The following OTUD7A variants were observed in gnomAD, a reference collection of about 807,000 sequenced individuals.
The protein encoded by OTUD7A is OTU domain-containing protein 7A.
In OTUD7A, 12 loss-of-function variants were observed where a neutral mutation model predicts 65.7. That is an observed-to-expected ratio of 0.18 (90% CI 0.12 to 0.30). The LOEUF (loss-of-function observed/expected upper bound fraction) is 0.30, where lower values mean the gene tolerates loss of function less well. Among genes scored for constraint, OTUD7A ranks in the 10% least tolerant of loss-of-function variants. The probability of loss-of-function intolerance (pLI) is 1.00; values close to 1 mark genes in which losing one functional copy is unlikely to be tolerated. For missense variants in OTUD7A, 1,148 were observed against 1,304.8 expected (o/e 0.88, Z 1.85); for synonymous variants, 641 against 586.3 (o/e 1.09, Z -1.35).
At chr15:31,732,518 C>T (rs530703674) in intron 1 of OTUD7A, among the ~76,000 whole-genome samples, 5 of 152,346 alleles carry the variant, frequency 3.3e-5, no homozygotes, top group Admixed American at 2.0e-4. Flanking sequence ...TGTTAGAAAG[C>T]TGTTCATAAC....
intron 1 of OTUD7A, among the ~76,000 whole-genome samples, chr15:31,812,426 C>T (rs1896443874): frequency 6.6e-6 from 1 of 152,194 alleles, no homozygotes; most frequent in South Asian, 2.1e-4. Context: ...GCCTCATTTA[C>T]AGTTGTCCTT....
At chr15:31,650,004 C>T (rs1891790032) in intron 3 of OTUD7A, among the ~76,000 whole-genome samples, 1 of 131,284 alleles carries the variant, frequency 7.6e-6, no homozygotes, top group Non-Finnish European at 1.5e-5. Flanking sequence ...GGGGTCTCTA[C>T]CGTTCTAAGA....
At chr15:31,758,614 C>T (rs1894877940) in intron 1 of OTUD7A, among the ~76,000 whole-genome samples, 1 of 152,230 alleles carries the variant, frequency 6.6e-6, no homozygotes, top group African/African-American at 2.4e-5. Flanking sequence ...TGGAACATCA[C>T]AAAACTAATA....
At chr15:31,639,357 T>C (rs1360768486) in intron 3 of OTUD7A, among the ~76,000 whole-genome samples, 1 of 150,950 alleles carries the variant, frequency 6.6e-6, no homozygotes, top group Admixed American at 6.6e-5. Context: ...TCCTTTGGAT[T>C]GAGAGCCGAG....
intron 1 of OTUD7A, among the ~76,000 whole-genome samples, chr15:31,761,655 G>T (rs1894967086): frequency 6.6e-6 from 1 of 152,120 alleles, no homozygotes; most frequent in African/African-American, 2.4e-5. Flanking sequence ...ATATGACCCA[G>T]ACATTCTACT....
intron 1 of OTUD7A, among the ~76,000 whole-genome samples, chr15:31,754,239 T>G (rs1894746577): frequency 6.6e-6 from 1 of 152,146 alleles, no homozygotes; most frequent in African/African-American, 2.4e-5. Flanking sequence ...TTTGAGTTCA[T>G]TGTAGATTTT....
chr15:31,796,494 C>A (rs572394614), intron 1 of OTUD7A, among the ~76,000 whole-genome samples: 3 of 152,280 alleles, frequency 2.0e-5, no homozygotes, highest in East Asian at 3.9e-4. Flanking sequence ...TTTATTCAGT[C>A]TTCTGATTCA....
intron 9 of OTUD7A, 87 bp from the exon 10 acceptor site, chr15:31,501,926 C>G (rs2041473447): frequency 7.1e-7 from 1 of 1,413,596 alleles, no homozygotes; most frequent in Non-Finnish European, 9.6e-7. Context: ...CCTCACTACC[C>G]CGGGGGGACT....
chr15:31,533,162 T>C (rs1365181205), intron 5 of OTUD7A, among the ~76,000 whole-genome samples: 1 of 151,680 alleles, frequency 6.6e-6, no homozygotes, highest in Non-Finnish European at 1.5e-5. Flanking sequence ...GCCTTACTTA[T>C]ATGGGAAAAA....
At chr15:31,772,520 A>G (rs1315350121) in intron 1 of OTUD7A, among the ~76,000 whole-genome samples, 1 of 152,184 alleles carries the variant, frequency 6.6e-6, no homozygotes, top group Non-Finnish European at 1.5e-5. Context: ...GGGATTCCCA[A>G]AGTTTGCTGC....
intron 3 of OTUD7A, among the ~76,000 whole-genome samples, chr15:31,591,866 T>C (rs1199779024): frequency 1.3e-5 from 2 of 152,196 alleles, no homozygotes; most frequent in African/African-American, 4.8e-5. Flanking sequence ...CTAGATGGCA[T>C]AGACTACTAC....
intron 1 of OTUD7A, among the ~76,000 whole-genome samples, chr15:31,681,170 TTGTC>T (rs1046300194): frequency 5.3e-5 from 8 of 151,718 alleles, no homozygotes; most frequent in African/African-American, 1.7e-4. Flanking sequence ...AATTTTCTCA[TTGTC>T]TGTCTGCCTT....
chr15:31,840,883 C>T (rs1432495745), intron 1 of OTUD7A, among the ~76,000 whole-genome samples: 12 of 152,174 alleles, frequency 7.9e-5, no homozygotes, highest in African/African-American at 2.7e-4. Flanking sequence ...ACTGAGGATA[C>T]AATCTACTAT....
In OTUD7A at chr15:31,755,853, G is replaced by A. The variant is rs1179373659; in HGVS notation, c.-99-98776C>T. Among the ~76,000 whole-genome samples the A allele has an allele frequency of 4.6e-5, 7 of 152,276 alleles. No homozygotes were observed. In the South Asian group the frequency reaches 8.3e-4, roughly 18 times the overall value. On this transcript the variant is annotated intron_variant, in intron 1 of 12. Transcript: ENST00000307050. ...GTTTGCTTGTTTTCCACCCAGTGGC[G>A]GCCTAGGTCTGTTAACAGACTGGCA... is the stretch of plus-strand genomic sequence containing the variant.
chr15:31,746,506 TA>T (rs1423446371), intron 1 of OTUD7A, among the ~76,000 whole-genome samples: 53 of 58,402 alleles, frequency 9.1e-4, no homozygotes, highest in African/African-American at 2.0e-3. Flanking sequence ...AGTTTTTACA[TA>T]TTTTTTTTTT....
intron 5 of OTUD7A, among the ~76,000 whole-genome samples, chr15:31,547,641 C>T (rs1228754974): frequency 1.3e-5 from 2 of 152,106 alleles, no homozygotes; most frequent in African/African-American, 2.4e-5. Flanking sequence ...CATCACATGA[C>T]TTGCTTCCAA....
At chr15:31,832,115 G>C (rs1414956429) in intron 1 of OTUD7A, among the ~76,000 whole-genome samples, 7 of 152,146 alleles carry the variant, frequency 4.6e-5, no homozygotes, top group Admixed American at 2.0e-4. Context: ...GAAAAAGTTG[G>C]GCTGGTAGGT....
chr15:31,604,518 A>C (rs1214231318), intron 3 of OTUD7A, among the ~76,000 whole-genome samples: 1 of 152,064 alleles, frequency 6.6e-6, no homozygotes, highest in African/African-American at 2.4e-5. Flanking sequence ...GGGTGCAGCA[A>C]ACCACCATGG....
At chr15:31,703,071 C>T (rs936615273) in intron 1 of OTUD7A, among the ~76,000 whole-genome samples, 1 of 152,004 alleles carries the variant, frequency 6.6e-6, no homozygotes, top group African/African-American at 2.4e-5. Flanking sequence ...GAGACTTGAC[C>T]TAAGTCTCAT....
Sources: gnomAD v4.1 joint callset for allele counts (sites outside exome capture counted in the v4.1 genomes callset) on GRCh38, gnomAD v4.1.1 for gene constraint, MANE v1.5 for transcripts, NCBI Gene and HGNC (gene_info 2026-07-23, HGNC 2026-07-21) for gene names.